MTUS2: variants seen among roughly 807,000 people sequenced by gnomAD.
MTUS2 encodes microtubule-associated tumor suppressor candidate 2.
In MTUS2, 40 loss-of-function variants were observed where a neutral mutation model predicts 114.1. The observed-to-expected ratio is 0.35, with a 90% CI of 0.27 to 0.46. MTUS2 has a LOEUF of 0.46. MTUS2 is among the 20% of genes least tolerant of loss of function. The pLI is 1.00. For synonymous variants in MTUS2, 688 were observed against 672.0 expected (o/e 1.02, Z -0.37); for missense variants, 1,679 against 1,705.4 (o/e 0.98, Z 0.27).
intron 5 of MTUS2, among the ~76,000 whole-genome samples, chr13:29,231,087 C>T (rs1444505972): frequency 1.3e-5 from 2 of 152,198 alleles, no homozygotes; most frequent in African/African-American, 4.8e-5. Flanking sequence ...CCAAGCAGTT[C>T]AAACCATCTC....
At chr13:29,166,451 C>T (rs1201830158) in intron 5 of MTUS2, among the ~76,000 whole-genome samples, 1 of 152,188 alleles carries the variant, frequency 6.6e-6, no homozygotes, top group Non-Finnish European at 1.5e-5. Context: ...CAGAATGAGC[C>T]ATGAGGCTTC....
intron 5 of MTUS2, among the ~76,000 whole-genome samples, chr13:29,233,413 C>T (rs990666515): frequency 1.3e-5 from 2 of 152,068 alleles, no homozygotes; most frequent in African/African-American, 4.8e-5. Flanking sequence ...GTGTACCCAC[C>T]GTGAAGTCTA....
chr13:29,022,515 CA>C (rs1886335131), intron 2 of MTUS2, among the ~76,000 whole-genome samples: 1 of 152,106 alleles, frequency 6.6e-6, no homozygotes, highest in African/African-American at 2.4e-5. Flanking sequence ...ATATATGAAA[CA>C]ACATATTAAC....
At chr13:29,490,120 T>G (rs1432775590) in intron 11 of MTUS2, 1 of 152,234 alleles carries the variant, frequency 6.6e-6, no homozygotes, top group African/African-American at 2.4e-5. Context: ...GATGCTGCTC[T>G]CGATGACTGT....
intron 7 of MTUS2, among the ~76,000 whole-genome samples, chr13:29,345,752 G>A (rs1868610948): frequency 2.0e-5 from 3 of 152,072 alleles, no homozygotes. Flanking sequence ...TACTGGAATT[G>A]TTTTTCTGGT....
intron 4 of MTUS2, among the ~76,000 whole-genome samples, chr13:29,038,914 C>G (rs1437237570): frequency 3.3e-5 from 5 of 152,214 alleles, no homozygotes; most frequent in African/African-American, 1.2e-4. Flanking sequence ...AGGCTGCGGG[C>G]GGGCCTGGGG....
chr13:28,907,023 A>AGGG (rs1273439536), intron 2 of MTUS2, among the ~76,000 whole-genome samples: 2 of 151,626 alleles, frequency 1.3e-5, no homozygotes, highest in African/African-American at 4.9e-5. Flanking sequence ...TTACCCACAA[A>AGGG]GGGAAGCCCA....
intron 5 of MTUS2, among the ~76,000 whole-genome samples, chr13:29,254,222 T>C (rs957261238): frequency 6.6e-6 from 1 of 152,200 alleles, no homozygotes; most frequent in Non-Finnish European, 1.5e-5. Context: ...CCTTCTTAGA[T>C]GCTTAGCTCC....
chr13:29,483,667 AGGGGGT>A (rs778881791), intron 10 of MTUS2, among the ~76,000 whole-genome samples: 34 of 152,118 alleles, frequency 2.2e-4, no homozygotes, highest in South Asian at 1.5e-3. Flanking sequence ...GGGGGACCTG[AGGGGGT>A]GGTGTTGCCT....
intron 9 of MTUS2, among the ~76,000 whole-genome samples, chr13:29,443,958 T>C (rs1878089729): frequency 6.6e-6 from 1 of 152,168 alleles, no homozygotes; most frequent in Admixed American, 6.5e-5. Context: ...TCAGAATAGT[T>C]AGATGTATTT....
At chr13:29,089,177 G>C (rs1889829669) in intron 4 of MTUS2, among the ~76,000 whole-genome samples, 1 of 152,150 alleles carries the variant, frequency 6.6e-6, no homozygotes, top group African/African-American at 2.4e-5. Flanking sequence ...GAATTTGCTT[G>C]TCTGAAAAGG....
Position 28,858,645 on chromosome 13 carries a change from A to G in MTUS2, c.-243+18795A>G, listed in dbSNP as rs141751092. Among the ~76,000 whole-genome samples the G allele has an allele frequency of 1.8e-3, 272 of 152,312 alleles. 1 individual carries two copies. Among genetic ancestry groups the G allele is most frequent in the African/African-American group, 5.9e-3 (246 of 41,564 alleles). ...TTAGAGAGGGGACATATACTTTAAA[A>G]TAGAATGCATTAATTTCTCCAGAGG... On this transcript the variant is annotated intron_variant, in intron 2 of 15. Coordinates refer to ENST00000612955, the MANE Select transcript of MTUS2 (RefSeq NM_001033602.4).
At chr13:29,223,082 C>A (rs2139329515) in intron 5 of MTUS2, among the ~76,000 whole-genome samples, 1 of 152,268 alleles carries the variant, frequency 6.6e-6, no homozygotes, top group South Asian at 2.1e-4. Context: ...CAGCAGGAGG[C>A]AGATGGGCTT....
chr13:29,481,144 A>G (rs1214535932), intron 10 of MTUS2, among the ~76,000 whole-genome samples: 2 of 152,166 alleles, frequency 1.3e-5, no homozygotes, highest in Admixed American at 6.5e-5. Flanking sequence ...CACAATATCC[A>G]TTTGCTGAAT....
At chr13:28,975,596 C>T (rs1884058035) in intron 2 of MTUS2, among the ~76,000 whole-genome samples, 1 of 152,210 alleles carries the variant, frequency 6.6e-6, no homozygotes, top group South Asian at 2.1e-4. Flanking sequence ...TTTTCTCCAT[C>T]CTTCCTCTCC....
chr13:29,500,575 G>C (rs1431338355), intron 14 of MTUS2, among the ~76,000 whole-genome samples: 1 of 152,118 alleles, frequency 6.6e-6, no homozygotes, highest in African/African-American at 2.4e-5. Flanking sequence ...AAAGGAAAAA[G>C]CGTGCTTACA....
chr13:29,172,083 C>T (rs779738756), intron 5 of MTUS2, among the ~76,000 whole-genome samples: 31 of 152,280 alleles, frequency 2.0e-4, no homozygotes, highest in African/African-American at 5.3e-4. Context: ...CAGCTGTCTC[C>T]GCTGTGAAGC....
At chr13:29,100,222 T>G (rs2138818059) in intron 4 of MTUS2, among the ~76,000 whole-genome samples, 1 of 152,290 alleles carries the variant, frequency 6.6e-6, no homozygotes. Flanking sequence ...GAGCTGATAT[T>G]CCAGCCTGGC....
chr13:29,303,320 A>C (rs1467796924), intron 6 of MTUS2, among the ~76,000 whole-genome samples: 1 of 152,216 alleles, frequency 6.6e-6, no homozygotes, highest in Admixed American at 6.5e-5. Context: ...AATTGACAGA[A>C]GTAGGCTTCA....
Sources: gnomAD v4.1 joint callset for allele counts (sites outside exome capture counted in the v4.1 genomes callset) on GRCh38, gnomAD v4.1.1 for gene constraint, MANE v1.5 for transcripts, NCBI Gene and HGNC (gene_info 2026-07-23, HGNC 2026-07-21) for gene names.